SLC12A5: variants seen among roughly 807,000 people sequenced by gnomAD.
The protein encoded by SLC12A5 is K-Cl cotransporter 2.
SLC12A5 carries 18 observed loss-of-function variants against 124.0 expected under a neutral mutation model. That is an observed-to-expected ratio of 0.15 (90% CI 0.10 to 0.22). The LOEUF is 0.22. Ranked by LOEUF, SLC12A5 falls within the 10% of genes least tolerant of loss-of-function variation. The pLI is 1.00. For missense variants in SLC12A5, 867 were observed against 1,478.7 expected (o/e 0.59, Z 6.78); for synonymous variants, 589 against 568.0 (o/e 1.04, Z -0.53).
At chr20:46,029,456 G>T in intron 1 of SLC12A5, 60 bp downstream of exon 1, 1 of 1,517,428 alleles carries the variant, frequency 6.6e-7, no homozygotes, top group Admixed American at 2.1e-5. Context: ...GCAGCTCTGG[G>T]GTTAGAGGCG....
At chr20:46,027,251 A>C (rs1255951258), upstream of SLC12A5, among the ~76,000 whole-genome samples, 1 of 152,130 alleles carries the variant, frequency 6.6e-6, no homozygotes, top group African/African-American at 2.4e-5. Context: ...ACCAGTGCCC[A>C]CAACTTGTCT....
upstream of SLC12A5, chr20:46,029,151 AG>A (rs35377254): frequency 7.2e-7 from 1 of 1,393,868 alleles, no homozygotes; most frequent in Non-Finnish European, 9.3e-7. Context: ...CGCTGCTGAG[AG>A]GGGGCGCGCG....
At chr20:46,041,599 G>C in intron 8 of SLC12A5, 59 bp downstream of exon 8, 1 of 1,583,062 alleles carries the variant, frequency 6.3e-7, no homozygotes, top group Non-Finnish European at 8.6e-7. Flanking sequence ...TAGGTTAAGC[G>C]GTCAGGATTA....
chr20:46,038,906 G>C (rs1209358083), intron 6 of SLC12A5, among the ~76,000 whole-genome samples: 1 of 152,200 alleles, frequency 6.6e-6, no homozygotes, highest in Non-Finnish European at 1.5e-5. Context: ...GGGCATGAAA[G>C]GCCTGAGGAG....
At chr20:46,022,140 G>T (rs2084361434) in intron 1 of SLC12A5, 3 of 371,366 alleles carry the variant, frequency 8.1e-6, no homozygotes, top group South Asian at 4.1e-5. Context: ...CAGGGAAGGG[G>T]TTTGGACGGA....
At chr20:46,049,485 A>T (rs1448865667) in intron 16 of SLC12A5, 137 bp from the exon 17 acceptor site, 4 of 1,077,440 alleles carry the variant, frequency 3.7e-6, no homozygotes, top group African/African-American at 1.6e-5. Context: ...AGATGAATGG[A>T]TGGGTGGTGA....
intron 15 of SLC12A5, 67 bp downstream of exon 15, chr20:46,047,640 G>A: frequency 6.4e-7 from 1 of 1,564,906 alleles, no homozygotes. Flanking sequence ...GGAGAGGGAA[G>A]GGGTCATGAG....
chr20:46,057,312 G>A lies in SLC12A5; in HGVS notation c.3259+9G>A. 1 of 1,613,934 alleles carries A rather than the reference G, an allele frequency of 6.2e-7. No individual in the cohort carries two copies. On this transcript the variant is annotated intron_variant, in intron 25 of 25. Coordinates refer to ENST00000243964, the MANE Select transcript of SLC12A5 (RefSeq NM_020708.5). This position sits in a 1 kb window ranked among gnomAD's most constrained non-coding sequence, Gnocchi z 7.1. ...CAATGGTGATGAAAACTGTATCCTG[G>A]AATTAAAATTGGGGGAAAGAGGGAG... is the stretch of plus-strand genomic sequence containing the variant.
At chr20:46,046,286 T>A in intron 13 of SLC12A5, 52 bp from the exon 14 acceptor site, 3 of 1,516,216 alleles carry the variant, frequency 2.0e-6, no homozygotes, top group Non-Finnish European at 1.8e-6. Flanking sequence ...GTTGTTTCTG[T>A]TTCTGCCTCC....
chr20:46,050,025 G>A (rs2084634255), intron 17 of SLC12A5, among the ~76,000 whole-genome samples: 2 of 152,206 alleles, frequency 1.3e-5, no homozygotes, highest in Admixed American at 1.3e-4. Flanking sequence ...TAAGGAAACT[G>A]AGGCTTAGAC....
chr20:46,056,344 A>G lies in SLC12A5; in HGVS notation c.2911-21A>G. 1 of 1,608,754 alleles carries G rather than the reference A, an allele frequency of 6.2e-7. No individual in the cohort carries two copies. The highest frequency in any genetic ancestry group is 8.5e-7 in the Non-Finnish European group (1 of 1,176,786). On this transcript the variant is annotated intron_variant, in intron 22 of 25. Transcript: ENST00000243964. This position sits in a 1 kb window ranked among gnomAD's most constrained non-coding sequence, Gnocchi z 4.3. ...TTGGCCTCCAAAGGACTCAACTGCC[A>G]TCGCTTCATTCATCCCTCAGGTGCA...
At chr20:46,032,717 C>T (rs6131001) in intron 1 of SLC12A5, among the ~76,000 whole-genome samples, 26,494 of 152,140 alleles carry the variant, frequency 0.17, 2,676 homozygotes, top group East Asian at 0.39. Context: ...ACTCCAGCCC[C>T]CTTTTTTAAC....
In SLC12A5 at chr20:46,056,303, A is replaced by G. The variant is rs781692551; in HGVS notation, c.2910+31A>G. 1 of 1,613,614 alleles carries G rather than the reference A, an allele frequency of 6.2e-7. No individual in the cohort carries two copies. Among genetic ancestry groups the G allele is most frequent in the East Asian group, 2.2e-5 (1 of 44,876 alleles). The stretch of plus-strand genomic sequence containing the variant: ...CAGCTTGGGTGGTTTGGCCCCAACC[A>G]GTGGGAGCAGAGCCCTTGGCCTCCA... On this transcript the variant is annotated intron_variant, in intron 22 of 25. Transcript: ENST00000243964. The surrounding 1 kb of genome is among the most constrained non-coding windows in gnomAD (Gnocchi z 4.3).
chr20:46,043,989 G>C, intron 11 of SLC12A5, 56 bp downstream of exon 11: 1 of 1,524,550 alleles, frequency 6.6e-7, no homozygotes, highest in Non-Finnish European at 8.9e-7. Flanking sequence ...AGAAGGCTGA[G>C]TTCTGGGAAA....
chr20:46,041,936 G>C (rs1171556161), intron 8 of SLC12A5, among the ~76,000 whole-genome samples: 3 of 152,116 alleles, frequency 2.0e-5, no homozygotes, highest in Admixed American at 6.5e-5. Context: ...CGGGGGGGGA[G>C]AGTTCATGTG....
chr20:46,056,518 A>T lies in SLC12A5; in HGVS notation c.3064A>T (p.Ser1022Cys). Residue 1022 changes from serine to cysteine, a missense_variant, in exon 23 of 26, where the codon AGT (serine) becomes TGT (cysteine). Physicochemically the swap from Ser to Cys is moderately radical, Grantham distance 112. This residue lies in a region of SLC12A5 where 180 missense variants were observed against 243.6 expected (regional missense o/e 0.74). Coordinates refer to ENST00000243964, the MANE Select transcript of SLC12A5 (RefSeq NM_020708.5). This position sits in a 1 kb window ranked among gnomAD's most constrained non-coding sequence, Gnocchi z 4.3. ...KSVAEKNKGP[S>C]PVSSEGIKDF... ...GGTGGCAGAGAAGAATAAGGGCCCC[A>T]GTCCTGTCTCCTCTGAGGGCATCAA... The T allele has an allele frequency of 6.2e-7, 1 of 1,614,210 alleles. No individual in the cohort carries two copies. The highest frequency in any genetic ancestry group is 8.5e-7 in the Non-Finnish European group (1 of 1,180,016).
In SLC12A5 at chr20:46,045,167, C is replaced by T; in HGVS notation, c.1569+27C>T. 1 of 1,535,038 alleles carries T rather than the reference C, an allele frequency of 6.5e-7. No homozygotes were observed. Among genetic ancestry groups the T allele is most frequent in the Non-Finnish European group, 8.7e-7 (1 of 1,145,180 alleles). ...TCAGTGTGGGAGAAGAACAGCCCAC[C>T]CTCAGTAGACCAGCCAGGCCCCTGC... On this transcript the variant is annotated intron_variant, in intron 12 of 25. Transcript: ENST00000243964. The surrounding 1 kb of genome is among the most constrained non-coding windows in gnomAD (Gnocchi z 4.9).
Position 46,057,782 on chromosome 20 carries a change from C to T in SLC12A5, c.*177C>T. 1 of 574,680 alleles carries T rather than the reference C, an allele frequency of 1.7e-6. No homozygotes were observed. 35.6% of individuals were successfully genotyped at this position (574,680 alleles called of 1,614,324 possible). A position where few individuals can be genotyped will look rare whatever the true frequency, so the allele number is the denominator to read the frequency against. On this transcript the variant is annotated 3_prime_UTR_variant, in exon 26 of 26. Coordinates refer to ENST00000243964, the MANE Select transcript of SLC12A5 (RefSeq NM_020708.5). The surrounding 1 kb of genome is among the most constrained non-coding windows in gnomAD (Gnocchi z 7.1). Reference sequence around the variant, plus strand: ...GTTGGGGCTGATTCGGAGAGGGCGCCCCGCCGCGCAGAGACCAGAGCTCCT... The same window carrying T: ...GTTGGGGCTGATTCGGAGAGGGCGCTCCGCCGCGCAGAGACCAGAGCTCCT...
In SLC12A5 at chr20:46,058,855, GC is replaced by G; in HGVS notation, c.*1252del. ...GCTCCTGTCTCGCCTGAGGGACCCA[GC>G]CGCCTTCTCCGTGCTCTGGGGCCGG... On this transcript the variant is annotated 3_prime_UTR_variant, in exon 26 of 26. Coordinates refer to ENST00000243964, the MANE Select transcript of SLC12A5 (RefSeq NM_020708.5). The surrounding 1 kb of genome is among the most constrained non-coding windows in gnomAD (Gnocchi z 5.8). The G allele has an allele frequency of 2.5e-6, 1 of 397,658 alleles. No individual in the cohort carries two copies. The allele number at this position is 397,658 out of a possible 1,614,324, so 24.6% of individuals were successfully genotyped here. A position where few individuals can be genotyped will look rare whatever the true frequency, so the allele number is the denominator to read the frequency against.
Sources: allele counts gnomAD v4.1 joint callset (sites outside exome capture counted in the v4.1 genomes callset), GRCh38; gene constraint gnomAD v4.1.1; regional missense constraint gnomAD v4.1.1; non-coding constraint Gnocchi (gnomAD v3.1); transcripts MANE v1.5; gene names NCBI Gene and HGNC (gene_info 2026-07-23, HGNC 2026-07-21).